The following KDM4C variants were observed in gnomAD, a reference collection of about 807,000 sequenced individuals.
KDM4C encodes lysine demethylase 4C.
Under a neutral mutation model 129.3 loss-of-function variants are expected in KDM4C, and 81 were observed. The observed-to-expected ratio is 0.63, with a 90% CI of 0.52 to 0.75. KDM4C has a LOEUF of 0.75. Among genes scored for constraint, KDM4C ranks in the 30% least tolerant of loss-of-function variants. The probability of loss-of-function intolerance (pLI) is 0.00; values close to 1 mark genes in which losing one functional copy is unlikely to be tolerated. For synonymous variants in KDM4C, 573 were observed against 456.1 expected, an observed-to-expected ratio of 1.26 and a Z score of -3.26; for missense variants, 1,457 against 1,304.0, an observed-to-expected ratio of 1.12 and a Z score of -1.81.
chr9:6,792,384 G>T (rs1352408257), intron 1 of KDM4C, among the ~76,000 whole-genome samples: 1 of 151,942 alleles, frequency 6.6e-6, no homozygotes, highest in East Asian at 1.9e-4. Context: ...TATTTTTTGA[G>T]ACGGAGTCTT....
chr9:7,078,818 G>T (rs1200491678), intron 17 of KDM4C, among the ~76,000 whole-genome samples: 1 of 152,138 alleles, frequency 6.6e-6, no homozygotes, highest in Non-Finnish European at 1.5e-5. Flanking sequence ...TACACTGGAG[G>T]TGTCCATGAG....
intron 8 of KDM4C, among the ~76,000 whole-genome samples, chr9:6,970,006 A>C (rs549557297): frequency 6.6e-6 from 1 of 152,190 alleles, no homozygotes; most frequent in South Asian, 2.1e-4. Context: ...TGCTTGGGCC[A>C]TGTGCCCATC....
At chr9:6,834,488 C>A in intron 4 of KDM4C, 2 of 614,074 alleles carry the variant, frequency 3.3e-6, no homozygotes, top group Non-Finnish European at 3.1e-6. Context: ...CCGTCGTCGA[C>A]AACGGCTCCG....
intron 10 of KDM4C, among the ~76,000 whole-genome samples, chr9:6,984,654 A>C (rs1283261704): frequency 7.0e-6 from 1 of 143,770 alleles, no homozygotes; most frequent in Non-Finnish European, 1.6e-5. Context: ...AAAAAAGAAG[A>C]TTCTAAAATG....
intron 4 of KDM4C, among the ~76,000 whole-genome samples, chr9:6,818,144 A>G (rs374304862): frequency 3.3e-5 from 5 of 152,152 alleles, no homozygotes; most frequent in African/African-American, 7.2e-5. Context: ...CTGTGATTGC[A>G]TGCGTGTTCA....
intron 17 of KDM4C, among the ~76,000 whole-genome samples, chr9:7,068,925 G>A (rs1832822778): frequency 6.6e-6 from 1 of 151,868 alleles, no homozygotes. Context: ...TCGAACTCCT[G>A]ACCTCAGGTG....
intron 12 of KDM4C, among the ~76,000 whole-genome samples, chr9:6,998,511 A>G (rs1339866955): frequency 6.6e-6 from 1 of 152,102 alleles, no homozygotes; most frequent in Admixed American, 6.5e-5. Context: ...ACAATTGTTT[A>G]TAGGCTGGGT....
intron 15 of KDM4C, among the ~76,000 whole-genome samples, chr9:7,020,459 C>T (rs1286630686): frequency 6.6e-6 from 1 of 152,140 alleles, no homozygotes; most frequent in Non-Finnish European, 1.5e-5. Flanking sequence ...TCATTTTCAG[C>T]TCTGTTTGAT....
intron 21 of KDM4C, 88 bp downstream of exon 21, chr9:7,169,978 T>C (rs768474783): frequency 6.3e-7 from 1 of 1,590,374 alleles, no homozygotes. Context: ...GGAAACATAC[T>C]TGGGCTTTTG....
chr9:7,089,650 A>T (rs529773934), intron 17 of KDM4C, among the ~76,000 whole-genome samples: 11 of 152,220 alleles, frequency 7.2e-5, no homozygotes, highest in Non-Finnish European at 1.5e-4. Flanking sequence ...AATACCGAGC[A>T]AATAACCTTT....
chr9:7,039,499 G>T (rs1828200641), intron 15 of KDM4C, among the ~76,000 whole-genome samples: 2 of 151,564 alleles, frequency 1.3e-5, no homozygotes, highest in African/African-American at 4.9e-5. Context: ...GCTGACCCTT[G>T]ACCAACATGG....
At chr9:7,094,643 G>C (rs1359766582) in intron 17 of KDM4C, among the ~76,000 whole-genome samples, 1 of 152,216 alleles carries the variant, frequency 6.6e-6, no homozygotes, top group Non-Finnish European at 1.5e-5. Context: ...CCTATACTGA[G>C]TTAACTCTTC....
chr9:7,122,261 A>ACTCTCTCTCTCTCTCTCTCT (rs747083483), intron 18 of KDM4C, among the ~76,000 whole-genome samples: 36 of 137,128 alleles, frequency 2.6e-4, no homozygotes, highest in Non-Finnish European at 5.4e-4. Context: ...ACACACACAC[A>ACTCTCTCTCTCTCTCTCTCT]CACACTCTCT....
chr9:7,090,547 T>C (rs150629047), intron 17 of KDM4C, among the ~76,000 whole-genome samples: 387 of 152,308 alleles, frequency 2.5e-3, no homozygotes, highest in African/African-American at 8.8e-3. Context: ...TTGGTCAGGT[T>C]TAAAATGTTT....
chr9:6,755,925 T>G (rs902091089), upstream of KDM4C, among the ~76,000 whole-genome samples: 1 of 152,184 alleles, frequency 6.6e-6, no homozygotes, highest in African/African-American at 2.4e-5. Context: ...TTTTACATTA[T>G]CTTCCTTAAA....
chr9:6,954,699 A>G (rs1340208089), intron 8 of KDM4C, among the ~76,000 whole-genome samples: 6 of 152,222 alleles, frequency 3.9e-5, no homozygotes, highest in Admixed American at 1.3e-4. Flanking sequence ...TTAGCATTCT[A>G]TGTAACTTCT....
chr9:7,050,998 G>A (rs185901985), intron 17 of KDM4C, among the ~76,000 whole-genome samples: 307 of 152,230 alleles, frequency 2.0e-3, no homozygotes, highest in African/African-American at 6.9e-3. Flanking sequence ...ACCTTTAAAA[G>A]AGCATGTCTT....
chr9:6,904,457 G>T (rs944181228), intron 8 of KDM4C, among the ~76,000 whole-genome samples: 2 of 149,670 alleles, frequency 1.3e-5, no homozygotes, highest in Non-Finnish European at 3.0e-5. Flanking sequence ...GTACATAAGA[G>T]TTCATTGCAC....
At chr9:6,807,216 G>A (rs1447613527) in intron 3 of KDM4C, among the ~76,000 whole-genome samples, 1 of 152,220 alleles carries the variant, frequency 6.6e-6, no homozygotes, top group Non-Finnish European at 1.5e-5. Flanking sequence ...CTGGAGTGCA[G>A]TGGCGTGATC....
Sources: gnomAD v4.1 joint callset for allele counts (sites outside exome capture counted in the v4.1 genomes callset) on GRCh38, gnomAD v4.1.1 for gene constraint, MANE v1.5 for transcripts, NCBI Gene and HGNC (gene_info 2026-07-23, HGNC 2026-07-21) for gene names.